MARCHF5: variants seen among roughly 807,000 people sequenced by gnomAD.
MARCHF5 encodes E3 ubiquitin-protein ligase MARCHF5.
Under a neutral mutation model 36.5 loss-of-function variants are expected in MARCHF5, and 5 were observed. The observed-to-expected ratio is 0.14, with a 90% CI of 0.07 to 0.29. The LOEUF (loss-of-function observed/expected upper bound fraction) is 0.29, where lower values mean the gene tolerates loss of function less well. Ranked by LOEUF, MARCHF5 falls within the 10% of genes least tolerant of loss-of-function variation. MARCHF5 has a pLI of 1.00. For missense variants in MARCHF5, 179 were observed against 336.3 expected, an observed-to-expected ratio of 0.53 and a Z score of 3.66; for synonymous variants, 103 against 109.9, an observed-to-expected ratio of 0.94 and a Z score of 0.39.
chr10:92,310,325 T>C (rs10882048), intron 1 of MARCHF5, among the ~76,000 whole-genome samples: 16,261 of 152,084 alleles, frequency 0.11, 1,599 homozygotes, highest in African/African-American at 0.23. Flanking sequence ...CTGATGGAAA[T>C]CGATGTCAAA....
At chr10:92,314,741 TCCCCCCG>T (rs767751064) in intron 2 of MARCHF5, among the ~76,000 whole-genome samples, 225 of 10,652 alleles carry the variant, frequency 0.021, 39 homozygotes, top group East Asian at 0.035. Flanking sequence ...TGCTGCTGCT[TCCCCCCG>T]CCCCCCCCCG....
chr10:92,349,606 A>G (rs1473459022), intron 4 of MARCHF5, 65 bp from the exon 5 acceptor site: 2 of 1,596,100 alleles, frequency 1.3e-6, no homozygotes, highest in Non-Finnish European at 1.7e-6. Context: ...TTTTTTAGCC[A>G]TGTTTGAAGG....
At chr10:92,317,781 C>T (rs1472180275) in intron 2 of MARCHF5, among the ~76,000 whole-genome samples, 1 of 148,478 alleles carries the variant, frequency 6.7e-6, no homozygotes, top group East Asian at 2.0e-4. Context: ...GGCACAGTCT[C>T]GCTCTGTTGC....
At chr10:92,304,286 A>G (rs1210209565) in intron 1 of MARCHF5, among the ~76,000 whole-genome samples, 1 of 152,222 alleles carries the variant, frequency 6.6e-6, no homozygotes, top group African/African-American at 2.4e-5. Context: ...GCTAGTGGTC[A>G]TATGGAGGTT....
chr10:92,333,960 C>T (rs748686846), intron 2 of MARCHF5, among the ~76,000 whole-genome samples: 5 of 151,986 alleles, frequency 3.3e-5, no homozygotes, highest in South Asian at 2.1e-4. Flanking sequence ...GAGGCCGAGG[C>T]GGGTGGATCA....
At chr10:92,303,156 TC>T (rs1447035271) in intron 1 of MARCHF5, among the ~76,000 whole-genome samples, 2 of 152,172 alleles carry the variant, frequency 1.3e-5, no homozygotes, top group African/African-American at 4.8e-5. Context: ...CTCACTTTTT[TC>T]TACATACTTT....
chr10:92,320,973 C>CATCTTTT (rs1843283004), intron 2 of MARCHF5, among the ~76,000 whole-genome samples: 1 of 151,928 alleles, frequency 6.6e-6, no homozygotes, highest in East Asian at 1.9e-4. Context: ...ACAGGTATAC[C>CATCTTTT]ATCTTTTATC....
At chr10:92,314,442 G>C (rs1462306616) in intron 2 of MARCHF5, among the ~76,000 whole-genome samples, 1 of 152,150 alleles carries the variant, frequency 6.6e-6, no homozygotes, top group Non-Finnish European at 1.5e-5. Flanking sequence ...AGGAGTTCAA[G>C]ACCAGCTTGG....
At chr10:92,329,267 G>C (rs1273753583) in intron 2 of MARCHF5, among the ~76,000 whole-genome samples, 1 of 152,126 alleles carries the variant, frequency 6.6e-6, no homozygotes, top group Non-Finnish European at 1.5e-5. Flanking sequence ...TTTGCCAGTA[G>C]GATGTGTTAG....
intron 1 of MARCHF5, among the ~76,000 whole-genome samples, chr10:92,297,357 A>G (rs1042017462): frequency 1.3e-5 from 2 of 151,064 alleles, no homozygotes; most frequent in Non-Finnish European, 3.0e-5. Flanking sequence ...TTTTGTGGAG[A>G]TGGAGTTTCA....
chr10:92,305,198 GGA>G (rs1843060484), intron 1 of MARCHF5, among the ~76,000 whole-genome samples: 1 of 152,138 alleles, frequency 6.6e-6, no homozygotes, highest in East Asian at 1.9e-4. Context: ...CACAAGGTCA[GGA>G]GATGGAGACC....
chr10:92,291,224 G>C lies in MARCHF5; in HGVS notation c.-271G>C, dbSNP rs1042607403. On this transcript the variant is annotated 5_prime_UTR_variant, in exon 1 of 6. Coordinates refer to ENST00000358935, the MANE Select transcript of MARCHF5 (RefSeq NM_017824.5). Reference sequence around the variant, plus strand: ...ACTCGGCGCCCGCGGTCCATGGACCGGAACCTCGGGCCGACGGACGGGAAC... The same window carrying C: ...ACTCGGCGCCCGCGGTCCATGGACCCGAACCTCGGGCCGACGGACGGGAAC... 5.6e-6 allele frequency: 3 copies of C among 532,906 alleles called. No individual in the cohort carries two copies. The African/African-American group carries it at 6.1e-5, about 11-fold the overall frequency. 33.0% of individuals were successfully genotyped at this position (532,906 alleles called of 1,614,324 possible).
Position 92,333,639 on chromosome 10 carries a change from G to A in MARCHF5, c.239-7034G>A, listed in dbSNP as rs1051715716. 6 of 985,010 alleles carry A rather than the reference G, an allele frequency of 6.1e-6. No homozygotes were observed. In the African/African-American group the frequency reaches 1.0e-4, roughly 17 times the overall value. 61.0% of individuals were successfully genotyped at this position (985,010 alleles called of 1,614,324 possible). On this transcript the variant is annotated intron_variant, in intron 2 of 5. Coordinates refer to ENST00000358935, the MANE Select transcript of MARCHF5 (RefSeq NM_017824.5). ...ACAAGCAAAGGGGTAAGTGTATTTT[G>A]TGGGGTAGTATGTAAAGGAAGCCTC...
At chr10:92,300,613 C>T (rs570027394) in intron 1 of MARCHF5, among the ~76,000 whole-genome samples, 5 of 152,168 alleles carry the variant, frequency 3.3e-5, no homozygotes, top group Non-Finnish European at 2.9e-5. Flanking sequence ...TAGCTGGCAC[C>T]AACTGCCTTT....
intron 5 of MARCHF5, among the ~76,000 whole-genome samples, chr10:92,350,726 A>G (rs917496989): frequency 5.3e-5 from 8 of 152,320 alleles, no homozygotes; most frequent in African/African-American, 1.7e-4. Context: ...TATAGCCTCC[A>G]GTGGAATGCT....
chr10:92,349,304 C>T (rs1455704896), intron 3 of MARCHF5, 45 bp from the exon 4 acceptor site: 2 of 1,389,878 alleles, frequency 1.4e-6, no homozygotes, highest in East Asian at 2.4e-5. Flanking sequence ...TGCAACACCT[C>T]ATTTGAAAAA....
chr10:92,301,451 A>C (rs1843010626), intron 1 of MARCHF5, among the ~76,000 whole-genome samples: 1 of 152,242 alleles, frequency 6.6e-6, no homozygotes, highest in Non-Finnish European at 1.5e-5. Context: ...GTCATGGCCC[A>C]GGTTGCATCC....
Position 92,351,436 on chromosome 10 carries a change from G to C in MARCHF5, c.*229G>C, listed in dbSNP as rs1843712494. On this transcript the variant is annotated 3_prime_UTR_variant, in exon 6 of 6. Coordinates refer to ENST00000358935, the MANE Select transcript of MARCHF5 (RefSeq NM_017824.5). ...TGTACTACTTTTATGGCAGTCATAT[G>C]AACCATTATCTTAGCATGGTAAACC... The C allele has an allele frequency of 2.8e-6, 1 of 351,212 alleles. No individual in the cohort carries two copies. Among genetic ancestry groups the C allele is most frequent in the African/African-American group, 2.1e-5 (1 of 46,980 alleles). 21.8% of individuals were successfully genotyped at this position (351,212 alleles called of 1,614,324 possible). A position where few individuals can be genotyped will look rare whatever the true frequency, so the allele number is the denominator to read the frequency against.
At chr10:92,309,516 TAA>T (rs1843120768) in intron 1 of MARCHF5, among the ~76,000 whole-genome samples, 1 of 152,214 alleles carries the variant, frequency 6.6e-6, no homozygotes, top group South Asian at 2.1e-4. Flanking sequence ...AGTATGAGAC[TAA>T]AGAGTCTCTA....
Sources: gnomAD v4.1 joint callset for allele counts (sites outside exome capture counted in the v4.1 genomes callset) on GRCh38, gnomAD v4.1.1 for gene constraint, MANE v1.5 for transcripts, NCBI Gene and HGNC (gene_info 2026-07-23, HGNC 2026-07-21) for gene names.